EFCAB11: variants seen among roughly 807,000 people sequenced by gnomAD.
The protein encoded by EFCAB11 is EF-hand calcium-binding domain-containing protein 11.
Under a neutral mutation model 23.0 loss-of-function variants are expected in EFCAB11, and 14 were observed. That is an observed-to-expected ratio of 0.61 (90% CI 0.40 to 0.95). The LOEUF is 0.95. Ranked by LOEUF, EFCAB11 falls within the 40% of genes least tolerant of loss-of-function variation. The probability of loss-of-function intolerance (pLI) is 0.00; values close to 1 mark genes in which losing one functional copy is unlikely to be tolerated. For missense variants in EFCAB11, 198 were observed against 195.8 expected (o/e 1.01, Z -0.07); for synonymous variants, 65 against 66.6 (o/e 0.98, Z 0.11).
chr14:89,811,747 C>T (rs998258542), intron 5 of EFCAB11, among the ~76,000 whole-genome samples: 1 of 152,160 alleles, frequency 6.6e-6, no homozygotes, highest in South Asian at 2.1e-4. Context: ...CCTGCTGACA[C>T]CTGGATTTTA....
At chr14:89,846,147 C>CT (rs1887424516) in intron 5 of EFCAB11, among the ~76,000 whole-genome samples, 3 of 152,162 alleles carry the variant, frequency 2.0e-5, no homozygotes, top group Non-Finnish European at 4.4e-5. Flanking sequence ...GTGCTTAGCG[C>CT]AGTGGCTAGC....
chr14:89,813,789 A>G (rs1405995141), intron 5 of EFCAB11, among the ~76,000 whole-genome samples: 1 of 152,234 alleles, frequency 6.6e-6, no homozygotes, highest in Non-Finnish European at 1.5e-5. Context: ...AGTGATGGCC[A>G]ACCAAGGAAA....
At chr14:89,929,343 C>A (rs1257315683) in intron 5 of EFCAB11, among the ~76,000 whole-genome samples, 3 of 152,120 alleles carry the variant, frequency 2.0e-5, no homozygotes, top group Non-Finnish European at 2.9e-5. Context: ...AACCACCACA[C>A]CAGGCCGAAT....
chr14:89,896,043 C>T (rs1889142194), intron 5 of EFCAB11, among the ~76,000 whole-genome samples: 1 of 152,142 alleles, frequency 6.6e-6, no homozygotes, highest in South Asian at 2.1e-4. Flanking sequence ...CAGGGTAATA[C>T]AAATCAAGCC....
chr14:89,838,350 AT>A (rs1887150440), intron 5 of EFCAB11, among the ~76,000 whole-genome samples: 1 of 152,118 alleles, frequency 6.6e-6, no homozygotes, highest in African/African-American at 2.4e-5. Context: ...AAATTATATA[AT>A]TAGCAGGATT....
intron 5 of EFCAB11, among the ~76,000 whole-genome samples, chr14:89,916,631 T>A (rs1372498213): frequency 6.6e-6 from 1 of 152,208 alleles, no homozygotes; most frequent in East Asian, 1.9e-4. Context: ...TTAATTCTAT[T>A]CCTTCGTTCA....
rs116160905 is a variant in EFCAB11 at position 89,863,823 on chromosome 14, A to G, written c.411-66499T>C. Among the ~76,000 whole-genome samples the G allele has an allele frequency of 2.5e-3, 387 of 152,364 alleles. 1 individual carries two copies. The highest frequency in any genetic ancestry group is 8.6e-3 in the African/African-American group (356 of 41,584). The stretch of plus-strand genomic sequence containing the variant: ...TTTGCCTGATTTTGAAGTATTTCTG[A>G]AGAATTCAATACAGCCTGTACTAAC... On this transcript the variant is annotated intron_variant, in intron 5 of 5. Transcript: ENST00000316738.
intron 3 of EFCAB11, among the ~76,000 whole-genome samples, chr14:89,948,226 T>C (rs1218191085): frequency 6.6e-6 from 1 of 152,220 alleles, no homozygotes; most frequent in African/African-American, 2.4e-5. Flanking sequence ...CAAACAGGCA[T>C]ATGTGAAAAG....
At chr14:89,890,855 C>T (rs1888942917) in intron 5 of EFCAB11, among the ~76,000 whole-genome samples, 1 of 152,176 alleles carries the variant, frequency 6.6e-6, no homozygotes. Flanking sequence ...CAGGACTTTG[C>T]CAATTTGGAT....
At chr14:89,819,126 C>T (rs1010150589) in intron 5 of EFCAB11, among the ~76,000 whole-genome samples, 8 of 152,168 alleles carry the variant, frequency 5.3e-5, no homozygotes, top group African/African-American at 1.7e-4. Context: ...ACAAACCCAA[C>T]GCCCATCAAC....
At chr14:89,798,441 G>T (rs1033705268) in intron 5 of EFCAB11, among the ~76,000 whole-genome samples, 1 of 152,172 alleles carries the variant, frequency 6.6e-6, no homozygotes, top group African/African-American at 2.4e-5. Flanking sequence ...TCTTCTAAGG[G>T]ATTAGAAATA....
chr14:89,938,487 G>A (rs918303722), intron 3 of EFCAB11, among the ~76,000 whole-genome samples: 5 of 152,134 alleles, frequency 3.3e-5, no homozygotes, highest in Non-Finnish European at 5.9e-5. Context: ...CAAAAATAGT[G>A]AGTTGTCACC....
At chr14:89,813,695 C>T (rs181681693) in intron 5 of EFCAB11, among the ~76,000 whole-genome samples, 1 of 150,334 alleles carries the variant, frequency 6.7e-6, no homozygotes, top group East Asian at 2.0e-4. Context: ...GCTCAGCACA[C>T]AACCACTTCT....
chr14:89,918,221 A>C (rs1016554927), intron 5 of EFCAB11, among the ~76,000 whole-genome samples: 17 of 152,312 alleles, frequency 1.1e-4, no homozygotes, highest in African/African-American at 3.8e-4. Flanking sequence ...GAAAAAAAGA[A>C]GAGACCCCTT....
chr14:89,860,379 A>T (rs1887886788), intron 5 of EFCAB11, among the ~76,000 whole-genome samples: 2 of 152,122 alleles, frequency 1.3e-5, no homozygotes, highest in Non-Finnish European at 2.9e-5. Context: ...ACAAACAAAC[A>T]AACAAACAAA....
chr14:89,831,028 A>G (rs1314903805), intron 5 of EFCAB11: 1 of 152,490 alleles, frequency 6.6e-6, no homozygotes, highest in African/African-American at 2.4e-5. Flanking sequence ...TGGGTGGAGA[A>G]GAGACCTGAA....
chr14:89,817,521 T>TA (rs1038639401), intron 5 of EFCAB11, among the ~76,000 whole-genome samples: 3 of 151,352 alleles, frequency 2.0e-5, no homozygotes, highest in African/African-American at 7.3e-5. Context: ...GACTCCTTCT[T>TA]AAAAAAAAAT....
chr14:89,925,635 GT>G (rs968920071), intron 5 of EFCAB11, among the ~76,000 whole-genome samples: 1 of 142,032 alleles, frequency 7.0e-6, no homozygotes, highest in Non-Finnish European at 1.5e-5. Flanking sequence ...GGAATACAAA[GT>G]TATGTTTCTT....
chr14:89,876,361 C>G (rs1888437628), intron 5 of EFCAB11, among the ~76,000 whole-genome samples: 1 of 152,084 alleles, frequency 6.6e-6, no homozygotes, highest in Admixed American at 6.5e-5. Flanking sequence ...CTTGGTCATG[C>G]TATCTCCAAG....
Sources: allele counts gnomAD v4.1 joint callset (sites outside exome capture counted in the v4.1 genomes callset), GRCh38; gene constraint gnomAD v4.1.1; transcripts MANE v1.5; gene names NCBI Gene and HGNC (gene_info 2026-07-23, HGNC 2026-07-21).